Variants in NEK10 observed in about 807,000 individuals in gnomAD.
NEK10 encodes NIMA related kinase 10.
A neutral mutation model predicts 159.8 loss-of-function variants in NEK10; 122 were observed. That is an observed-to-expected ratio of 0.76 (90% CI 0.66 to 0.89). NEK10 has a LOEUF of 0.89. Among genes scored for constraint, NEK10 ranks in the 40% least tolerant of loss-of-function variants. NEK10 has a pLI of 0.00. For missense variants in NEK10, 1,342 were observed against 1,323.1 expected (o/e 1.01, Z -0.22); for synonymous variants, 466 against 457.1 (o/e 1.02, Z -0.25).
chr3:27,237,382 C>T (rs1444958405), intron 23 of NEK10, among the ~76,000 whole-genome samples: 1 of 152,126 alleles, frequency 6.6e-6, no homozygotes, highest in East Asian at 1.9e-4. Flanking sequence ...TATTTGGGAA[C>T]TGATAAATGT....
At chr3:27,319,995 G>C (rs182109855) in intron 6 of NEK10, among the ~76,000 whole-genome samples, 2 of 152,186 alleles carry the variant, frequency 1.3e-5, no homozygotes, top group Non-Finnish European at 2.9e-5. Flanking sequence ...GGCGTAAGTC[G>C]CAAGTTGTAG....
chr3:27,345,447 G>A (rs776645866), intron 4 of NEK10, among the ~76,000 whole-genome samples: 1 of 152,036 alleles, frequency 6.6e-6, no homozygotes, highest in Non-Finnish European at 1.5e-5. Context: ...CAAAATCTAG[G>A]CCAAATAAAC....
At position 27,201,504 on chromosome 3, in the gene NEK10, A is replaced by G. The variant is rs1204775472; in HGVS notation, c.2291+6T>C. Reference sequence around the variant, plus strand: ...CCTACATGTCTGAAGCCGCAAGACTAATTACCTGCTGATGGTGTCTGTTAC... The same window carrying G: ...CCTACATGTCTGAAGCCGCAAGACTGATTACCTGCTGATGGTGTCTGTTAC... On this transcript the variant is annotated splice_donor_region_variant and intron_variant, in intron 25 of 35. Coordinates refer to ENST00000691995, the MANE Select transcript of NEK10 (RefSeq NM_001394966.1). The G allele has an allele frequency of 1.2e-6, 2 of 1,613,088 alleles. No individual in the cohort carries two copies. The highest frequency in any genetic ancestry group is 1.7e-6 in the Non-Finnish European group (2 of 1,179,194).
intron 1 of NEK10, among the ~76,000 whole-genome samples, chr3:27,360,691 G>A (rs2048624298): frequency 6.6e-6 from 1 of 152,154 alleles, no homozygotes; most frequent in South Asian, 2.1e-4. Context: ...GGACCCTGGG[G>A]TGCTTGCAAA....
intron 29 of NEK10, among the ~76,000 whole-genome samples, chr3:27,164,819 T>C (rs1017943778): frequency 6.6e-6 from 1 of 152,262 alleles, no homozygotes; most frequent in African/African-American, 2.4e-5. Flanking sequence ...CATCAGGTTA[T>C]ACATGTTCTT....
chr3:27,241,029 A>G (rs1024088193), intron 23 of NEK10, among the ~76,000 whole-genome samples: 11 of 152,058 alleles, frequency 7.2e-5, no homozygotes, highest in Admixed American at 1.3e-4. Context: ...TGGTACAGGG[A>G]GTAGCACCCC....
chr3:27,251,612 TG>T (rs1299263515), intron 23 of NEK10, among the ~76,000 whole-genome samples: 6 of 152,214 alleles, frequency 3.9e-5, no homozygotes, highest in Non-Finnish European at 8.8e-5. Flanking sequence ...ATGCTTCCTG[TG>T]CAGCCTGCAG....
intron 30 of NEK10, among the ~76,000 whole-genome samples, chr3:27,155,705 G>T (rs1009397083): frequency 1.5e-4 from 23 of 152,024 alleles, no homozygotes; most frequent in Non-Finnish European, 2.1e-4. Context: ...TTGTGAAAAT[G>T]ACCATACTTC....
chr3:27,127,156 C>G (rs1942059030), intron 32 of NEK10, among the ~76,000 whole-genome samples: 3 of 152,136 alleles, frequency 2.0e-5, no homozygotes, highest in African/African-American at 7.2e-5. Context: ...TAAATCTCCC[C>G]CACTTCCCTT....
chr3:27,218,297 A>C (rs2149135538), intron 23 of NEK10, among the ~76,000 whole-genome samples: 1 of 152,330 alleles, frequency 6.6e-6, no homozygotes, highest in South Asian at 2.1e-4. Flanking sequence ...GTGGAAAGTG[A>C]AATCATGGAT....
At chr3:27,222,435 G>A (rs1213436990) in intron 23 of NEK10, among the ~76,000 whole-genome samples, 1 of 152,098 alleles carries the variant, frequency 6.6e-6, no homozygotes, top group African/African-American at 2.4e-5. Context: ...CCATAATGTA[G>A]TAAAACCTAG....
rs2047413203 is a variant in NEK10, at chr3:27,344,452, T to C, written c.264-82A>G. The C allele has an allele frequency of 2.4e-5, 16 of 676,598 alleles. No homozygotes were observed. In the South Asian group the frequency reaches 2.7e-4, roughly 12 times the overall value. The allele number at this position is 676,598 out of a possible 1,614,324, so 41.9% of individuals were successfully genotyped here. A position where few individuals can be genotyped will look rare whatever the true frequency, so the allele number is the denominator to read the frequency against. ...TGCCAGTGCAGACAAAGATCATCTA[T>C]ATTCAGGTAACATTTTTATTATTAC... On this transcript the variant is annotated intron_variant, in intron 4 of 35. Coordinates refer to ENST00000691995, the MANE Select transcript of NEK10 (RefSeq NM_001394966.1).
chr3:27,247,382 T>A (rs1955179198), intron 23 of NEK10, among the ~76,000 whole-genome samples: 1 of 152,174 alleles, frequency 6.6e-6, no homozygotes, highest in African/African-American at 2.4e-5. Flanking sequence ...ATTGAAATGA[T>A]CATATAGTTG....
chr3:27,313,842 G>C (rs554440353), intron 7 of NEK10, among the ~76,000 whole-genome samples: 1 of 152,102 alleles, frequency 6.6e-6, no homozygotes, highest in African/African-American at 2.4e-5. Flanking sequence ...CTCCCGAGTA[G>C]CTGGGATTAT....
intron 22 of NEK10, among the ~76,000 whole-genome samples, chr3:27,261,710 G>A (rs2040427327): frequency 1.3e-5 from 2 of 152,180 alleles, no homozygotes; most frequent in Admixed American, 1.3e-4. Flanking sequence ...TTGATTTGGG[G>A]TGGAGAGTTC....
chr3:27,186,558 C>G (rs182649958), intron 26 of NEK10, among the ~76,000 whole-genome samples: 1 of 152,080 alleles, frequency 6.6e-6, no homozygotes, highest in Non-Finnish European at 1.5e-5. Flanking sequence ...TGGAGATACA[C>G]GGAGAGTTTG....
intron 25 of NEK10, among the ~76,000 whole-genome samples, chr3:27,198,344 A>C (rs1289713476): frequency 1.3e-5 from 2 of 151,942 alleles, no homozygotes; most frequent in African/African-American, 4.8e-5. Flanking sequence ...AAAAAAAAAA[A>C]AACAAAGCTT....
At chr3:27,142,012 A>G (rs753890950) in intron 30 of NEK10, among the ~76,000 whole-genome samples, 11 of 152,212 alleles carry the variant, frequency 7.2e-5, no homozygotes, top group Non-Finnish European at 1.5e-4. Context: ...AAAACTATAA[A>G]ATGTAATCAC....
At chr3:27,301,613 TA>T (rs1390809541) in intron 13 of NEK10, 82 bp downstream of exon 13, 2 of 1,135,758 alleles carry the variant, frequency 1.8e-6, no homozygotes, top group Non-Finnish European at 2.5e-6. Context: ...TTTGCCTACT[TA>T]ACACTACTAC....
Sources: gnomAD v4.1 joint callset for allele counts (sites outside exome capture counted in the v4.1 genomes callset) on GRCh38, gnomAD v4.1.1 for gene constraint, MANE v1.5 for transcripts, NCBI Gene and HGNC (gene_info 2026-07-23, HGNC 2026-07-21) for gene names.